CADPS: variants seen among roughly 807,000 people sequenced by gnomAD.
CADPS encodes the protein calcium dependent secretion activator, also known as calcium-dependent secretion activator 1.
A neutral mutation model predicts 167.3 loss-of-function variants in CADPS; 57 were observed. The ratio of observed to expected loss-of-function variants is 0.34; its 90% CI spans 0.28 to 0.42. The LOEUF (loss-of-function observed/expected upper bound fraction) is 0.42, where lower values mean the gene tolerates loss of function less well. Ranked by LOEUF, CADPS falls within the 20% of genes least tolerant of loss-of-function variation. The pLI is 1.00. For missense variants in CADPS, 1,414 were observed against 1,738.1 expected (o/e 0.81, Z 3.32); for synonymous variants, 676 against 635.3 (o/e 1.06, Z -0.96).
chr3:62,494,961 C>T (rs1046606888), intron 18 of CADPS, among the ~76,000 whole-genome samples: 2 of 152,084 alleles, frequency 1.3e-5, no homozygotes, highest in Admixed American at 1.3e-4. Context: ...CCACACCTGG[C>T]CTCTTACCAG....
chr3:62,560,704 C>T (rs970830991), intron 9 of CADPS, among the ~76,000 whole-genome samples: 16 of 152,176 alleles, frequency 1.1e-4, no homozygotes, highest in Non-Finnish European at 2.9e-5. Flanking sequence ...CTGGCTGCAC[C>T]TCAGACACAC....
intron 1 of CADPS, among the ~76,000 whole-genome samples, chr3:62,860,408 C>T (rs2080551934): frequency 6.6e-6 from 1 of 152,148 alleles, no homozygotes; most frequent in South Asian, 2.1e-4. Context: ...TCAGTATCTG[C>T]AGGAGATTGG....
chr3:62,532,552 C>G lies in CADPS; in HGVS notation c.2291+319G>C, dbSNP rs62243496. ...GTATACAATCATCCCATTTTACAGA[C>G]GAGAAAACCGTGGCACAAAGGGCTT... On this transcript the variant is annotated intron_variant, in intron 13 of 29. Coordinates refer to ENST00000383710, the MANE Select transcript of CADPS (RefSeq NM_003716.4). Among the ~76,000 whole-genome samples the G allele has an allele frequency of 3.9e-5, 6 of 152,136 alleles. No individual in the cohort carries two copies. The East Asian group carries it at 1.2e-3, about 29-fold the overall frequency.
At chr3:62,409,672 T>C (rs546028815) in intron 28 of CADPS, among the ~76,000 whole-genome samples, 34 of 152,232 alleles carry the variant, frequency 2.2e-4, no homozygotes, top group Middle Eastern at 3.2e-3. Flanking sequence ...CATCAATTGC[T>C]AGTGGAAGAA....
intron 1 of CADPS, among the ~76,000 whole-genome samples, chr3:62,868,743 C>T (rs1020745782): frequency 2.0e-5 from 3 of 152,122 alleles, no homozygotes; most frequent in African/African-American, 7.2e-5. Flanking sequence ...TTCTTTAAGA[C>T]ACTGTCTTAT....
intron 3 of CADPS, among the ~76,000 whole-genome samples, chr3:62,728,503 C>T (rs1397454616): frequency 2.6e-5 from 4 of 151,884 alleles, no homozygotes; most frequent in African/African-American, 9.7e-5. Flanking sequence ...CCTTAACTTT[C>T]CCCTTCACAA....
At chr3:62,437,028 A>C (rs182857951) in intron 28 of CADPS, among the ~76,000 whole-genome samples, 1 of 152,166 alleles carries the variant, frequency 6.6e-6, no homozygotes, top group East Asian at 1.9e-4. Flanking sequence ...ACACAAACTC[A>C]ATGTAAATTG....
chr3:62,782,677 A>G (rs1225986650), intron 1 of CADPS, among the ~76,000 whole-genome samples: 1 of 152,150 alleles, frequency 6.6e-6, no homozygotes, highest in Admixed American at 6.5e-5. Flanking sequence ...TAAACCCTGG[A>G]TCAGAGAAAA....
chr3:62,717,818 C>T (rs6445294), intron 3 of CADPS, among the ~76,000 whole-genome samples: 94,751 of 151,524 alleles, frequency 0.63, 30,170 homozygotes, highest in East Asian at 0.76. Context: ...TCCAAACTCA[C>T]CATCATTAAC....
chr3:62,695,965 C>T (rs1398782994), intron 3 of CADPS, among the ~76,000 whole-genome samples: 2 of 152,046 alleles, frequency 1.3e-5, no homozygotes, highest in African/African-American at 4.8e-5. Context: ...CTGAACGCTC[C>T]CACGTATACA....
At chr3:62,814,628 T>C (rs2094531629) in intron 1 of CADPS, 1 of 152,154 alleles carries the variant, frequency 6.6e-6, no homozygotes, top group South Asian at 2.1e-4. Flanking sequence ...TGGGAAGAAG[T>C]TACTCTATGA....
rs143539613 is a variant in CADPS, at chr3:62,819,791, A to G, written c.442-53807T>C. Among the ~76,000 whole-genome samples the G allele has an allele frequency of 1.7e-3, 255 of 152,262 alleles. 1 individual carries two copies. The highest frequency in any genetic ancestry group is 5.9e-3 in the African/African-American group (247 of 41,546). The stretch of plus-strand genomic sequence containing the variant: ...CAGCATTCTGTACACGTTGTCATAC[A>G]TTGTTCCTGGGAACAATAAGTACTG... On this transcript the variant is annotated intron_variant, in intron 1 of 29. Coordinates refer to ENST00000383710, the MANE Select transcript of CADPS (RefSeq NM_003716.4).
chr3:62,851,892 C>CGCATCACTT, intron 1 of CADPS, among the ~76,000 whole-genome samples: 1 of 151,790 alleles, frequency 6.6e-6, no homozygotes, highest in East Asian at 1.9e-4. Context: ...TTCCATTCTC[C>CGCATCACTT]GCATCACTTT....
intron 3 of CADPS, among the ~76,000 whole-genome samples, chr3:62,734,139 G>C (rs148147185): frequency 4.7e-4 from 71 of 152,118 alleles, no homozygotes; most frequent in Non-Finnish European, 4.0e-4. Flanking sequence ...CTCCTAAAAG[G>C]GCGAGCTTTA....
chr3:62,617,947 A>C (rs1379435645), intron 6 of CADPS, among the ~76,000 whole-genome samples: 1 of 151,900 alleles, frequency 6.6e-6, no homozygotes, highest in African/African-American at 2.4e-5. Context: ...CTTTGGGACT[A>C]CCTCTCCTTG....
chr3:62,696,516 G>T (rs568745189), intron 3 of CADPS, among the ~76,000 whole-genome samples: 10 of 152,108 alleles, frequency 6.6e-5, no homozygotes, highest in African/African-American at 2.4e-4. Flanking sequence ...TCTCCTCTGA[G>T]GGCTGGTTTT....
rs2055516731 is a variant in CADPS at position 62,438,069 on chromosome 3, C to A, written c.3777+35G>T. ...TTTGTCACATTTTGGAGGGTCTCCTCCTTGGTTTTCAAGGAGGAGAAGGCA... is the reference window on the plus strand; with the variant it reads ...TTTGTCACATTTTGGAGGGTCTCCTACTTGGTTTTCAAGGAGGAGAAGGCA... On this transcript the variant is annotated intron_variant, in intron 28 of 29. Transcript: ENST00000383710. The surrounding 1 kb of genome is among the most constrained non-coding windows in gnomAD (Gnocchi z 4.7). 1 of 1,429,562 alleles carries A rather than the reference C, an allele frequency of 7.0e-7. No homozygotes were observed. The highest frequency in any genetic ancestry group is 1.2e-5 in the South Asian group (1 of 86,460). 88.6% of individuals were successfully genotyped at this position (1,429,562 alleles called of 1,614,324 possible).
intron 28 of CADPS, among the ~76,000 whole-genome samples, chr3:62,437,863 C>A (rs912976184): frequency 6.6e-6 from 1 of 152,056 alleles, no homozygotes; most frequent in African/African-American, 2.4e-5. Context: ...GCCTGCTTGC[C>A]GAGAGGCTGT....
chr3:62,837,755 G>A (rs1358588385), intron 1 of CADPS, among the ~76,000 whole-genome samples: 1 of 152,116 alleles, frequency 6.6e-6, no homozygotes, highest in Non-Finnish European at 1.5e-5. Flanking sequence ...TTAAATCTCT[G>A]TTGCATCACT....
Sources: gnomAD v4.1 joint callset for allele counts (sites outside exome capture counted in the v4.1 genomes callset) on GRCh38, gnomAD v4.1.1 for gene constraint, Gnocchi (gnomAD v3.1) non-coding constraint, MANE v1.5 for transcripts, NCBI Gene and HGNC (gene_info 2026-07-23, HGNC 2026-07-21) for gene names.